LRRC4C: variants seen among roughly 807,000 people sequenced by gnomAD.
LRRC4C encodes the protein leucine rich repeat containing 4C.
LRRC4C carries 5 observed loss-of-function variants against 33.6 expected under a neutral mutation model. The observed-to-expected ratio is 0.15, with a 90% confidence interval of 0.08 to 0.31. The LOEUF is 0.31. LRRC4C is among the 10% of genes least tolerant of loss of function. The pLI is 1.00. For missense variants in LRRC4C, 560 were observed against 796.7 expected, an observed-to-expected ratio of 0.70 and a Z score of 3.58; for synonymous variants, 329 against 302.0, an observed-to-expected ratio of 1.09 and a Z score of -0.93.
chr11:40,803,045 T>C (rs1192516475), intron 2 of LRRC4C, among the ~76,000 whole-genome samples: 1 of 152,178 alleles, frequency 6.6e-6, no homozygotes, highest in African/African-American at 2.4e-5. Flanking sequence ...TGGATCACTA[T>C]CTGCAAAATT....
intron 1 of LRRC4C, among the ~76,000 whole-genome samples, chr11:40,974,416 C>T (rs1851935603): frequency 6.6e-6 from 1 of 152,164 alleles, no homozygotes; most frequent in Non-Finnish European, 1.5e-5. Context: ...CAGAGGACAG[C>T]TTCCTCATAT....
chr11:41,244,769 A>G (rs865924455), intron 1 of LRRC4C, among the ~76,000 whole-genome samples: 4 of 152,208 alleles, frequency 2.6e-5, no homozygotes, highest in South Asian at 2.1e-4. Flanking sequence ...GATGAAATCT[A>G]CTGGGACCAC....
At chr11:41,073,021 G>T (rs1413088108) in intron 1 of LRRC4C, among the ~76,000 whole-genome samples, 3 of 152,194 alleles carry the variant, frequency 2.0e-5, no homozygotes, top group African/African-American at 7.2e-5. Context: ...TATAAACACT[G>T]CTATATTGAG....
At chr11:40,193,685 A>G (rs1215716776) in intron 5 of LRRC4C, among the ~76,000 whole-genome samples, 1 of 152,140 alleles carries the variant, frequency 6.6e-6, no homozygotes, top group African/African-American at 2.4e-5. Context: ...TTCTAACCCA[A>G]TGCAGGGAAG....
intron 5 of LRRC4C, among the ~76,000 whole-genome samples, chr11:40,141,312 A>C (rs542853127): frequency 2.6e-5 from 4 of 152,216 alleles, no homozygotes; most frequent in South Asian, 2.1e-4. Context: ...CCCACCACCA[A>C]CACCACATCC....
intron 2 of LRRC4C, among the ~76,000 whole-genome samples, chr11:40,893,886 C>T (rs190652530): frequency 3.0e-4 from 46 of 151,926 alleles, no homozygotes; most frequent in Admixed American, 3.0e-3. Context: ...TGCCTACTTG[C>T]TTGTATATCT....
At chr11:40,531,713 T>G (rs777479368) in intron 3 of LRRC4C, among the ~76,000 whole-genome samples, 14 of 151,972 alleles carry the variant, frequency 9.2e-5, no homozygotes, top group Non-Finnish European at 1.3e-4. Flanking sequence ...GAATAGGTAT[T>G]ATTGAGATGA....
At chr11:40,400,194 C>T (rs1303417224) in intron 3 of LRRC4C, among the ~76,000 whole-genome samples, 3 of 152,076 alleles carry the variant, frequency 2.0e-5, no homozygotes, top group Non-Finnish European at 4.4e-5. Flanking sequence ...ACTCACTATC[C>T]ATGGCACACA....
chr11:40,714,459 C>T (rs1422161023), intron 2 of LRRC4C, among the ~76,000 whole-genome samples: 1 of 152,172 alleles, frequency 6.6e-6, no homozygotes, highest in African/African-American at 2.4e-5. Flanking sequence ...ATTTGGCCAA[C>T]CACAGATTAT....
At chr11:40,478,588 C>T (rs1953372157) in intron 3 of LRRC4C, among the ~76,000 whole-genome samples, 1 of 152,100 alleles carries the variant, frequency 6.6e-6, no homozygotes, top group South Asian at 2.1e-4. Flanking sequence ...TACATGTGTA[C>T]AATGTACAGG....
intron 3 of LRRC4C, among the ~76,000 whole-genome samples, chr11:40,525,653 T>C: frequency 6.6e-6 from 1 of 151,360 alleles, no homozygotes. Flanking sequence ...GAGAATTCAG[T>C]ATGCTAGGAA....
chr11:40,487,088 G>C (rs930463005), intron 3 of LRRC4C, among the ~76,000 whole-genome samples: 1 of 152,092 alleles, frequency 6.6e-6, no homozygotes, highest in Non-Finnish European at 1.5e-5. Flanking sequence ...CTGTGTGTGA[G>C]TTGGACTACG....
intron 3 of LRRC4C, among the ~76,000 whole-genome samples, chr11:40,418,375 A>G (rs368743187): frequency 6.6e-6 from 1 of 152,220 alleles, no homozygotes; most frequent in African/African-American, 2.4e-5. Context: ...ATCATCTCTG[A>G]TCATTAGATA....
chr11:41,237,461 C>T (rs569577252), intron 1 of LRRC4C, among the ~76,000 whole-genome samples: 4 of 152,220 alleles, frequency 2.6e-5, no homozygotes, highest in South Asian at 2.1e-4. Flanking sequence ...ATACGGAAAG[C>T]GAGGGAATTC....
chr11:40,482,839 T>C (rs1953657239), intron 3 of LRRC4C, among the ~76,000 whole-genome samples: 1 of 152,144 alleles, frequency 6.6e-6, no homozygotes, highest in Non-Finnish European at 1.5e-5. Context: ...GGGCAAATCT[T>C]CTTAGGAAAC....
At chr11:40,483,160 A>G (rs914358721) in intron 3 of LRRC4C, among the ~76,000 whole-genome samples, 4 of 152,170 alleles carry the variant, frequency 2.6e-5, no homozygotes, top group African/African-American at 9.6e-5. Context: ...TCTGGCTGGG[A>G]TTAGGGCATG....
chr11:40,488,679 T>A (rs550962769), intron 3 of LRRC4C, among the ~76,000 whole-genome samples: 2 of 152,164 alleles, frequency 1.3e-5, no homozygotes, highest in East Asian at 3.9e-4. Flanking sequence ...CTTACGTGAC[T>A]AAATCCTAAA....
chr11:40,705,305 C>T (rs1946097232), intron 2 of LRRC4C, among the ~76,000 whole-genome samples: 2 of 152,018 alleles, frequency 1.3e-5, no homozygotes, highest in Non-Finnish European at 2.9e-5. Context: ...TTGCTGCACC[C>T]ATTAACTCGT....
At chr11:40,541,488 C>T (rs11035906) in intron 3 of LRRC4C, among the ~76,000 whole-genome samples, 13,682 of 152,126 alleles carry the variant, frequency 0.09, 1,760 homozygotes, top group African/African-American at 0.29. Flanking sequence ...ATGAGCAAGT[C>T]CAACTTGACA....
Sources: allele counts gnomAD v4.1 joint callset (sites outside exome capture counted in the v4.1 genomes callset), GRCh38; gene constraint gnomAD v4.1.1; transcripts MANE v1.5; gene names NCBI Gene and HGNC (gene_info 2026-07-23, HGNC 2026-07-21).